The following IL1RAPL2 variants were observed in gnomAD, a reference collection of about 807,000 sequenced individuals.
IL1RAPL2 encodes the protein interleukin 1 receptor accessory protein like 2, also known as X-linked interleukin-1 receptor accessory protein-like 2.
Under a neutral mutation model 44.1 loss-of-function variants are expected in IL1RAPL2, and 3 were observed. The observed-to-expected ratio is 0.07, with a 90% CI of 0.03 to 0.18. The LOEUF is 0.18. Among genes scored for constraint, IL1RAPL2 ranks in the 10% least tolerant of loss-of-function variants. The pLI is 1.00. For synonymous variants in IL1RAPL2, 181 were observed against 178.8 expected (o/e 1.01, Z -0.10); for missense variants, 391 against 496.4 (o/e 0.79, Z 2.02).
chrX:105,335,887 A>G (rs765596938), intron 5 of IL1RAPL2, among the ~76,000 whole-genome samples: 63 of 111,781 alleles, frequency 5.6e-4, no homozygotes, highest in Non-Finnish European at 9.4e-5. Flanking sequence ...AACAAAAACC[A>G]TGGGTGAGAG....
intron 6 of IL1RAPL2, among the ~76,000 whole-genome samples, chrX:105,630,692 T>C (rs2037486009): frequency 9.1e-6 from 1 of 110,469 alleles, no homozygotes. Context: ...GTCTGAAAAG[T>C]AAGAATTAAT....
At chrX:104,737,273 T>C (rs1425245707) in intron 2 of IL1RAPL2, among the ~76,000 whole-genome samples, 1 of 112,503 alleles carries the variant, frequency 8.9e-6, no homozygotes, top group Non-Finnish European at 1.9e-5. Context: ...GCAATATGTA[T>C]GTACAGGATT....
At chrX:104,739,555 A>C (rs182472936) in intron 2 of IL1RAPL2, among the ~76,000 whole-genome samples, 1 of 111,850 alleles carries the variant, frequency 8.9e-6, no homozygotes, top group Non-Finnish European at 1.9e-5. Flanking sequence ...AGATGCTGAC[A>C]TATCTTCTAT....
Position 105,214,415 on chromosome X carries a change from A to G in IL1RAPL2, c.356+18667A>G, listed in dbSNP as rs372404816. On this transcript the variant is annotated intron_variant, in intron 3 of 10. Coordinates refer to ENST00000372582, the MANE Select transcript of IL1RAPL2 (RefSeq NM_017416.2). Reference sequence around the variant, plus strand: ...TAATGGTAAATGGATCAATGCAACAAGAAGAGCTAACTATCCTAAATATAT... The same window carrying G: ...TAATGGTAAATGGATCAATGCAACAGGAAGAGCTAACTATCCTAAATATAT... Among the ~76,000 whole-genome samples the G allele has an allele frequency of 4.4e-4, 48 of 109,854 alleles. No homozygotes were observed. The East Asian group carries it at 7.4e-3, about 17-fold the overall frequency.
chrX:104,671,537 C>T (rs1221156319), intron 2 of IL1RAPL2, among the ~76,000 whole-genome samples: 4 of 111,441 alleles, frequency 3.6e-5, no homozygotes, highest in Non-Finnish European at 7.5e-5. Context: ...CTCTGTGCTC[C>T]TGTAGCATTT....
intron 1 of IL1RAPL2, among the ~76,000 whole-genome samples, chrX:104,580,984 T>C: frequency 8.9e-6 from 1 of 112,104 alleles, no homozygotes; most frequent in East Asian, 2.8e-4. Flanking sequence ...TCTGCTTATC[T>C]CAAAGAGCTA....
chrX:104,634,063 C>G (rs1276409694), intron 1 of IL1RAPL2, among the ~76,000 whole-genome samples: 4 of 111,351 alleles, frequency 3.6e-5, no homozygotes, highest in Non-Finnish European at 7.5e-5. Context: ...TCGTTGGTTT[C>G]AAAGAACATC....
At chrX:105,031,986 T>A (rs1481995324) in intron 2 of IL1RAPL2, among the ~76,000 whole-genome samples, 1 of 111,692 alleles carries the variant, frequency 9.0e-6, no homozygotes, top group African/African-American at 3.3e-5. Context: ...TTTATCCATT[T>A]CTTCGAGATT....
chrX:105,112,248 T>C (rs2032808558), intron 2 of IL1RAPL2, among the ~76,000 whole-genome samples: 1 of 112,301 alleles, frequency 8.9e-6, no homozygotes, highest in Non-Finnish European at 1.9e-5. Context: ...TAATTTTGTT[T>C]AAAGTGACTG....
At chrX:105,334,835 C>T (rs2035015454) in intron 5 of IL1RAPL2, among the ~76,000 whole-genome samples, 1 of 110,396 alleles carries the variant, frequency 9.1e-6, no homozygotes, top group Non-Finnish European at 1.9e-5. Context: ...AAATCCTGTA[C>T]GTACTTGTGT....
At chrX:105,509,188 C>G (rs1417985460) in intron 6 of IL1RAPL2, among the ~76,000 whole-genome samples, 2 of 111,655 alleles carry the variant, frequency 1.8e-5, no homozygotes, top group Non-Finnish European at 3.8e-5. Context: ...TAATAAAGTT[C>G]TATGAAGAAA....
chrX:104,633,811 T>C (rs1403269731), intron 1 of IL1RAPL2, among the ~76,000 whole-genome samples: 5 of 111,642 alleles, frequency 4.5e-5, no homozygotes, highest in Non-Finnish European at 9.4e-5. Context: ...TTCATTGATT[T>C]TTTTGAAGGG....
intron 7 of IL1RAPL2, among the ~76,000 whole-genome samples, chrX:105,724,330 A>C (rs1052098088): frequency 1.8e-5 from 2 of 111,135 alleles, no homozygotes; most frequent in African/African-American, 6.5e-5. Flanking sequence ...ATAGCATTTT[A>C]GATCAAATCC....
At chrX:105,597,625 G>A (rs1299157463) in intron 6 of IL1RAPL2, among the ~76,000 whole-genome samples, 3 of 111,162 alleles carry the variant, frequency 2.7e-5, no homozygotes, top group African/African-American at 6.5e-5. Context: ...ATGACCAGAC[G>A]TCATGAGGAT....
At chrX:104,873,962 TA>T (rs981530113) in intron 2 of IL1RAPL2, among the ~76,000 whole-genome samples, 4 of 111,173 alleles carry the variant, frequency 3.6e-5, no homozygotes, top group African/African-American at 6.5e-5. Context: ...TGATATTCAT[TA>T]ACCTTGCTAT....
chrX:105,339,768 A>G (rs1201624096), intron 5 of IL1RAPL2, among the ~76,000 whole-genome samples: 3 of 111,544 alleles, frequency 2.7e-5, no homozygotes, highest in African/African-American at 9.8e-5. Flanking sequence ...GGTAGACAAT[A>G]TACATAGAAC....
intron 2 of IL1RAPL2, among the ~76,000 whole-genome samples, chrX:104,824,995 A>C (rs941543400): frequency 2.7e-5 from 3 of 111,897 alleles, no homozygotes; most frequent in Non-Finnish European, 5.6e-5. Context: ...GAGGATAATG[A>C]AAACAAATCT....
intron 1 of IL1RAPL2, among the ~76,000 whole-genome samples, chrX:104,657,435 A>G (rs1264227214): frequency 9.0e-6 from 1 of 111,495 alleles, no homozygotes; most frequent in Non-Finnish European, 1.9e-5. Flanking sequence ...GAAAGTTGAA[A>G]CTGGATCCCT....
chrX:104,949,325 C>T (rs1925497101), intron 2 of IL1RAPL2, among the ~76,000 whole-genome samples: 1 of 111,182 alleles, frequency 9.0e-6, no homozygotes, highest in East Asian at 2.8e-4. Context: ...CTTTATTAGT[C>T]TTGCTAGCAG....
Sources: allele counts gnomAD v4.1 joint callset (sites outside exome capture counted in the v4.1 genomes callset), GRCh38; gene constraint gnomAD v4.1.1; transcripts MANE v1.5; gene names NCBI Gene and HGNC (gene_info 2026-07-23, HGNC 2026-07-21).